CHN1: variants seen among roughly 807,000 people sequenced by gnomAD.
CHN1 encodes the protein chimerin 1.
Under a neutral mutation model 59.5 loss-of-function variants are expected in CHN1, and 37 were observed. The observed-to-expected ratio is 0.62, with a 90% CI of 0.48 to 0.82. The LOEUF is 0.82. Among genes scored for constraint, CHN1 ranks in the 40% least tolerant of loss-of-function variants. The probability of loss-of-function intolerance (pLI) is 0.00; values close to 1 mark genes in which losing one functional copy is unlikely to be tolerated. For missense variants in CHN1, 469 were observed against 571.0 expected (o/e 0.82, Z 1.82); for synonymous variants, 206 against 200.4 (o/e 1.03, Z -0.24).
intron 1 of CHN1, among the ~76,000 whole-genome samples, chr2:174,971,978 G>T (rs746827386): frequency 2.0e-5 from 3 of 152,184 alleles, no homozygotes; most frequent in Non-Finnish European, 4.4e-5. Context: ...AGAGGCAGAT[G>T]CAGATGCCTG....
intron 6 of CHN1, among the ~76,000 whole-genome samples, chr2:174,849,441 ACT>A (rs996121073): frequency 1.7e-4 from 26 of 152,314 alleles, no homozygotes; most frequent in Admixed American, 8.5e-4. Context: ...AGCGTTGGCT[ACT>A]CTCAAATGGC....
In CHN1 at chr2:174,915,055, A is replaced by T; in HGVS notation, c.260+3T>A. The T allele has an allele frequency of 6.3e-7, 1 of 1,599,796 alleles. No homozygotes were observed. Among genetic ancestry groups the T allele is most frequent in the Non-Finnish European group, 8.5e-7 (1 of 1,170,290 alleles). ...CAGTAGTAATTGCAGGCCCATGACC[A>T]ACCTTAAAGCCAAAGTGTAGGTCCC... On this transcript the variant is annotated splice_donor_region_variant and intron_variant, in intron 5 of 12. Transcript: ENST00000409900.
At chr2:174,930,309 A>G (rs1449401872) in intron 3 of CHN1, among the ~76,000 whole-genome samples, 1 of 152,222 alleles carries the variant, frequency 6.6e-6, no homozygotes, top group Non-Finnish European at 1.5e-5. Flanking sequence ...CTTGGTGATT[A>G]TTGCAGAGAA....
At chr2:174,976,327 T>G (rs915350855) in intron 1 of CHN1, among the ~76,000 whole-genome samples, 1 of 151,512 alleles carries the variant, frequency 6.6e-6, no homozygotes, top group African/African-American at 2.4e-5. Context: ...AACCTCCGCC[T>G]CCCGGGTTCA....
At chr2:174,960,491 GA>G (rs1389872867) in intron 1 of CHN1, among the ~76,000 whole-genome samples, 1 of 152,178 alleles carries the variant, frequency 6.6e-6, no homozygotes, top group Non-Finnish European at 1.5e-5. Context: ...TTGGGTCTCA[GA>G]AATCTGGATT....
At chr2:174,832,549 T>A (rs1372825183) in intron 7 of CHN1, among the ~76,000 whole-genome samples, 3 of 152,156 alleles carry the variant, frequency 2.0e-5, no homozygotes. Flanking sequence ...ATGTATCTTG[T>A]GATTTCTTCT....
chr2:174,988,097 C>T (rs147301058), intron 1 of CHN1, among the ~76,000 whole-genome samples: 4,101 of 152,120 alleles, frequency 0.027, 214 homozygotes, highest in African/African-American at 0.094. Flanking sequence ...CGGTGGCTCA[C>T]GCCTGTAATC....
intron 11 of CHN1, chr2:174,802,095 G>GTT (rs1447241293): frequency 3.1e-5 from 10 of 323,930 alleles, no homozygotes; most frequent in Non-Finnish European, 4.8e-5. Flanking sequence ...TTCGAAATTG[G>GTT]ACATGGAATA....
chr2:174,868,333 C>T (rs1687294662), intron 6 of CHN1, among the ~76,000 whole-genome samples: 1 of 152,128 alleles, frequency 6.6e-6, no homozygotes, highest in East Asian at 1.9e-4. Flanking sequence ...ACCCTCCTCT[C>T]TGCAATAGAT....
chr2:174,842,007 T>C (rs1686320945), intron 7 of CHN1, among the ~76,000 whole-genome samples: 1 of 152,158 alleles, frequency 6.6e-6, no homozygotes, highest in Admixed American at 6.5e-5. Context: ...CTCACATAAA[T>C]CTAATTAAAA....
At chr2:174,843,107 T>C (rs1686371481) in intron 7 of CHN1, among the ~76,000 whole-genome samples, 1 of 152,224 alleles carries the variant, frequency 6.6e-6, no homozygotes, top group Non-Finnish European at 1.5e-5. Flanking sequence ...GATTTTATTT[T>C]ATAGAGCTAT....
intron 6 of CHN1, chr2:174,875,805 A>G: frequency 1.0e-6 from 1 of 985,218 alleles, no homozygotes; most frequent in South Asian, 4.7e-5. Flanking sequence ...ATCCATTGTG[A>G]CAGGGAATCA....
chr2:174,903,443 C>G (rs1688451222), intron 5 of CHN1, among the ~76,000 whole-genome samples: 1 of 151,922 alleles, frequency 6.6e-6, no homozygotes, highest in Non-Finnish European at 1.5e-5. Context: ...GCACATATGC[C>G]ATAAAAACAG....
intron 1 of CHN1, among the ~76,000 whole-genome samples, chr2:174,959,291 G>A (rs1251538901): frequency 6.6e-6 from 1 of 152,068 alleles, no homozygotes; most frequent in African/African-American, 2.4e-5. Flanking sequence ...AAATTATTTT[G>A]GCCTTTCTTA....
intron 6 of CHN1, among the ~76,000 whole-genome samples, chr2:174,877,317 TTA>T (rs1687596077): frequency 1.3e-5 from 2 of 152,090 alleles, no homozygotes; most frequent in African/African-American, 4.8e-5. Context: ...TCTTAACAGA[TTA>T]TAAAGAGATA....
At chr2:174,966,311 A>T (rs890514612) in intron 1 of CHN1, among the ~76,000 whole-genome samples, 1 of 152,034 alleles carries the variant, frequency 6.6e-6, no homozygotes, top group Non-Finnish European at 1.5e-5. Context: ...GAGAATAGTG[A>T]CCCAGAACCG....
At chr2:174,867,752 T>C (rs372135643) in intron 6 of CHN1, among the ~76,000 whole-genome samples, 2 of 152,186 alleles carry the variant, frequency 1.3e-5, no homozygotes, top group Non-Finnish European at 2.9e-5. Flanking sequence ...CATGGAAAGA[T>C]TGTTCATAGC....
chr2:174,913,404 GAATTAT>G (rs1421244504), intron 5 of CHN1, among the ~76,000 whole-genome samples: 1 of 152,054 alleles, frequency 6.6e-6, no homozygotes, highest in African/African-American at 2.4e-5. Flanking sequence ...AAGAATTCTA[GAATTAT>G]AATATGTTAG....
At chr2:174,817,185 G>A (rs1265742380) in intron 8 of CHN1, among the ~76,000 whole-genome samples, 1 of 152,068 alleles carries the variant, frequency 6.6e-6, no homozygotes, top group Non-Finnish European at 1.5e-5. Flanking sequence ...ATTCAAAAAT[G>A]TATATTGTAC....
Sources: allele counts gnomAD v4.1 joint callset (sites outside exome capture counted in the v4.1 genomes callset), GRCh38; gene constraint gnomAD v4.1.1; transcripts MANE v1.5; gene names NCBI Gene and HGNC (gene_info 2026-07-23, HGNC 2026-07-21).